TP63: variants seen among roughly 807,000 people sequenced by gnomAD.
The protein encoded by TP63 is tumor protein 63.
In TP63, 17 loss-of-function variants were observed where a neutral mutation model predicts 82.8. That is an observed-to-expected ratio of 0.21 (90% CI 0.14 to 0.31). The LOEUF is 0.31. TP63 is among the 10% of genes least tolerant of loss of function. The pLI, the probability that TP63 is intolerant of heterozygous loss-of-function variation, is 1.00. For synonymous variants in TP63, 330 were observed against 321.7 expected (o/e 1.03, Z -0.28); for missense variants, 648 against 895.3 (o/e 0.72, Z 3.52).
intron 3 of TP63, among the ~76,000 whole-genome samples, chr3:189,766,710 T>TA (rs1204229360): frequency 1.3e-5 from 2 of 151,970 alleles, no homozygotes; most frequent in East Asian, 1.9e-4. Flanking sequence ...AAATCATGTT[T>TA]AAAAAAAATA....
intron 1 of TP63, among the ~76,000 whole-genome samples, chr3:189,649,747 G>A (rs1712733921): frequency 6.8e-6 from 1 of 146,796 alleles, no homozygotes; most frequent in African/African-American, 2.6e-5. Flanking sequence ...GGATCTGAGG[G>A]GAATGAGGAT....
intron 3 of TP63, among the ~76,000 whole-genome samples, chr3:189,784,056 A>G (rs1350990391): frequency 1.3e-5 from 2 of 151,946 alleles, no homozygotes; most frequent in Admixed American, 1.3e-4. Flanking sequence ...GAAACTTTTA[A>G]TGTAATTCTG....
intron 3 of TP63, among the ~76,000 whole-genome samples, chr3:189,804,647 T>C (rs1368484327): frequency 6.6e-6 from 1 of 152,250 alleles, no homozygotes; most frequent in Non-Finnish European, 1.5e-5. Flanking sequence ...AAACTAGATA[T>C]TTTAAAAATT....
intron 9 of TP63, among the ~76,000 whole-genome samples, chr3:189,871,946 C>T (rs1718471656): frequency 6.6e-6 from 1 of 152,088 alleles, no homozygotes; most frequent in African/African-American, 2.4e-5. Flanking sequence ...AACTACTGAG[C>T]TCAAGCAATC....
chr3:189,670,057 C>T (rs1258407995), intron 1 of TP63, among the ~76,000 whole-genome samples: 1 of 151,494 alleles, frequency 6.6e-6, no homozygotes, highest in Non-Finnish European at 1.5e-5. Context: ...AAAGTATAAA[C>T]CAACAAGAAG....
chr3:189,880,725 G>A (rs1719818018), intron 10 of TP63: 1 of 985,474 alleles, frequency 1.0e-6, no homozygotes, highest in African/African-American at 1.7e-5. Context: ...AAGGTGTCAA[G>A]TGTACTGCTG....
chr3:189,660,731 T>A (rs1335665516), intron 1 of TP63, among the ~76,000 whole-genome samples: 1 of 152,074 alleles, frequency 6.6e-6, no homozygotes, highest in Non-Finnish European at 1.5e-5. Flanking sequence ...GTGTCATCTA[T>A]GAATTCCTTC....
At chr3:189,650,857 A>G (rs1003040030) in intron 1 of TP63, among the ~76,000 whole-genome samples, 2 of 147,066 alleles carry the variant, frequency 1.4e-5, no homozygotes, top group African/African-American at 5.1e-5. Flanking sequence ...GAGGACTCAG[A>G]CGAAGACAGG....
intron 1 of TP63, among the ~76,000 whole-genome samples, chr3:189,712,182 A>G (rs1003282067): frequency 3.9e-5 from 6 of 152,186 alleles, no homozygotes; most frequent in Non-Finnish European, 5.9e-5. Context: ...GTCCTCACTT[A>G]CGAGGACAGG....
chr3:189,839,040 TAAAAAAAAAAAAAAAAAAAAA>T (rs5855274), intron 4 of TP63, among the ~76,000 whole-genome samples: 5 of 88,606 alleles, frequency 5.6e-5, no homozygotes, highest in African/African-American at 2.4e-4. Flanking sequence ...TATCCTAAGC[TAAAAAAAAAAAAAAAAAAAAA>T]AAAGAAAAAG....
At position 189,668,102 on chromosome 3, in the gene TP63, C is replaced by T. The variant is rs369181217; in HGVS notation, c.62+36525C>T. Among the ~76,000 whole-genome samples the T allele has an allele frequency of 6.0e-4, 91 of 151,574 alleles. 6 individuals are homozygous for T. In the South Asian group the frequency reaches 0.019, roughly 31 times the overall value. The stretch of plus-strand genomic sequence containing the variant: ...ATTAAGCCGTAGCAAGTTACAGGGG[C>T]TTGAGAAAAAAAATTAGGCATTGCA... On this transcript the variant is annotated intron_variant, in intron 1 of 13. Transcript: ENST00000264731.
At chr3:189,674,861 A>G (rs1012942516) in intron 1 of TP63, among the ~76,000 whole-genome samples, 11 of 152,252 alleles carry the variant, frequency 7.2e-5, no homozygotes, top group African/African-American at 1.9e-4. Context: ...ATTAACTAGA[A>G]GACCCTATGT....
intron 3 of TP63, among the ~76,000 whole-genome samples, chr3:189,747,748 C>T (rs926739549): frequency 1.3e-5 from 2 of 151,812 alleles, no homozygotes; most frequent in African/African-American, 4.8e-5. Flanking sequence ...CAGAACTAAA[C>T]AAAATATAGA....
At chr3:189,636,621 G>A (rs1000512846) in intron 1 of TP63, among the ~76,000 whole-genome samples, 8 of 151,994 alleles carry the variant, frequency 5.3e-5, no homozygotes, top group African/African-American at 1.4e-4. Context: ...TCACAAAACC[G>A]CCACCAATCT....
At chr3:189,661,484 G>A (rs375561106) in intron 1 of TP63, among the ~76,000 whole-genome samples, 3 of 151,974 alleles carry the variant, frequency 2.0e-5, no homozygotes, top group African/African-American at 7.2e-5. Context: ...TTGGTATTTT[G>A]TTGAGGATTT....
At chr3:189,665,762 A>G (rs565657450) in intron 1 of TP63, among the ~76,000 whole-genome samples, 1 of 152,236 alleles carries the variant, frequency 6.6e-6, no homozygotes, top group South Asian at 2.1e-4. Flanking sequence ...TACCCATTTT[A>G]TAGATAAAAG....
At position 189,738,630 on chromosome 3, in the gene TP63, C is replaced by T. The variant is rs754719024; in HGVS notation, c.192-12C>T. ...CCATGCCTAACTCACTTTTTTCTTT[C>T]CTATGTGTTAGGCCTATATGTTCAG... On this transcript the variant is annotated splice_polypyrimidine_tract_variant and intron_variant, in intron 2 of 13. Transcript: ENST00000264731. 1.2e-6 allele frequency: 2 copies of T among 1,613,618 alleles called. No individual in the cohort carries two copies. The highest frequency in any genetic ancestry group is 2.7e-5 in the African/African-American group (2 of 74,748).
chr3:189,654,522 T>C (rs2108641824), intron 1 of TP63, among the ~76,000 whole-genome samples: 1 of 152,340 alleles, frequency 6.6e-6, no homozygotes, highest in Admixed American at 6.5e-5. Flanking sequence ...CTTTTATTAT[T>C]GCATTAATTA....
intron 3 of TP63, among the ~76,000 whole-genome samples, chr3:189,803,433 T>C (rs913589448): frequency 6.6e-6 from 1 of 152,376 alleles, no homozygotes; most frequent in Admixed American, 6.5e-5. Context: ...TTAAATACTT[T>C]TATAGGAAAA....
Sources: gnomAD v4.1 joint callset for allele counts (sites outside exome capture counted in the v4.1 genomes callset) on GRCh38, gnomAD v4.1.1 for gene constraint, MANE v1.5 for transcripts, NCBI Gene and HGNC (gene_info 2026-07-23, HGNC 2026-07-21) for gene names.